The following FAM227B variants were observed in gnomAD, a reference collection of about 807,000 sequenced individuals.
FAM227B encodes the protein protein FAM227B.
Under a neutral mutation model 73.8 loss-of-function variants are expected in FAM227B, and 88 were observed. That is an observed-to-expected ratio of 1.19 (90% CI 1.00 to 1.42). The LOEUF is 1.42. Among genes scored for constraint, FAM227B ranks in the 40% most tolerant of loss-of-function variants. FAM227B has a pLI of 0.00. For missense variants in FAM227B, 632 were observed against 590.9 expected (o/e 1.07, Z -0.72); for synonymous variants, 210 against 190.5 (o/e 1.10, Z -0.84).
intron 11 of FAM227B, among the ~76,000 whole-genome samples, chr15:49,462,397 T>C (rs1291580710): frequency 1.3e-5 from 2 of 152,176 alleles, no homozygotes; most frequent in African/African-American, 4.8e-5. Context: ...TCACAATGCT[T>C]TTTCCCCTTG....
Position 49,468,557 on chromosome 15 carries a change from G to GT in FAM227B, c.1012+39653dup, listed in dbSNP as rs1002999177. 3.3e-5 allele frequency among the ~76,000 whole-genome samples: 5 copies of GT among 152,092 alleles called. 1 individual carries two copies. The highest frequency in any genetic ancestry group is 5.9e-5 in the Non-Finnish European group (4 of 68,006). The stretch of plus-strand genomic sequence containing the variant: ...TATTATCAACCATATGTATCATTGT[G>GT]TTTTTTTACAATAGTGGACTTCAGG... On this transcript the variant is annotated intron_variant, in intron 11 of 15. Transcript: ENST00000299338.
At chr15:49,429,077 T>C (rs1014516540) in intron 11 of FAM227B, among the ~76,000 whole-genome samples, 12 of 152,076 alleles carry the variant, frequency 7.9e-5, no homozygotes. Flanking sequence ...AATTTGCTTA[T>C]ATTCTAAACA....
chr15:49,342,884 T>A (rs1186312866), intron 13 of FAM227B, among the ~76,000 whole-genome samples: 1 of 152,214 alleles, frequency 6.6e-6, no homozygotes, highest in South Asian at 2.1e-4. Context: ...AGGTTTTTGC[T>A]GAGAAGTCTG....
At chr15:49,610,420 TAA>T (rs72044107) in intron 3 of FAM227B, among the ~76,000 whole-genome samples, 9,953 of 119,592 alleles carry the variant, frequency 0.083, 891 homozygotes, top group African/African-American at 0.25. Flanking sequence ...ACATTGAAAG[TAA>T]AAAAAAAAAA....
At chr15:49,480,324 A>G (rs1407049126) in intron 11 of FAM227B, among the ~76,000 whole-genome samples, 1 of 151,932 alleles carries the variant, frequency 6.6e-6, no homozygotes. Context: ...TTTATCTATT[A>G]TTTTGAGACA....
intron 4 of FAM227B, 82 bp from the exon 5 acceptor site, chr15:49,588,165 A>G (rs1462673062): frequency 2.5e-6 from 2 of 801,384 alleles, no homozygotes. Context: ...AAATACTTTA[A>G]ACAAATTATA....
At chr15:49,557,814 G>T (rs575099283) in intron 9 of FAM227B, among the ~76,000 whole-genome samples, 55 of 152,330 alleles carry the variant, frequency 3.6e-4, no homozygotes, top group African/African-American at 1.3e-3. Context: ...TAGAGTCTTT[G>T]CAGAAGAACC....
intron 6 of FAM227B, chr15:49,577,073 G>A: frequency 2.5e-6 from 1 of 403,940 alleles, no homozygotes. Flanking sequence ...GAAGTGGGTG[G>A]ATCACTTGAG....
chr15:49,588,899 AAT>A, intron 4 of FAM227B, among the ~76,000 whole-genome samples: 1 of 151,942 alleles, frequency 6.6e-6, no homozygotes, highest in Non-Finnish European at 1.5e-5. Flanking sequence ...GAATTACACA[AAT>A]CTTAGTTCAA....
chr15:49,364,587 T>TA (rs199670723), intron 13 of FAM227B, among the ~76,000 whole-genome samples: 2,065 of 152,260 alleles, frequency 0.014, 22 homozygotes, highest in Non-Finnish European at 0.019. Flanking sequence ...GATTGGGTTT[T>TA]AAAAAAACAT....
intron 2 of FAM227B, 80 bp from the exon 3 acceptor site, chr15:49,611,348 T>G (rs1377560053): frequency 4.2e-6 from 3 of 711,390 alleles, no homozygotes; most frequent in Middle Eastern, 3.4e-4. Context: ...TTTACTTAAA[T>G]AAAATGATAC....
chr15:49,520,855 A>G lies in FAM227B; in HGVS notation c.875-12507T>C, dbSNP rs191697560. Among the ~76,000 whole-genome samples the G allele has an allele frequency of 1.1e-3, 163 of 152,228 alleles. 1 individual carries two copies. Among genetic ancestry groups the G allele is most frequent in the South Asian group, 8.3e-4 (4 of 4,832 alleles). ...CCAGGAAGAAGCTGGGCCACAGGAA[A>G]GGAAGACAGCAAGAGTCTGGTAGAG... On this transcript the variant is annotated intron_variant, in intron 10 of 15. Coordinates refer to ENST00000299338, the MANE Select transcript of FAM227B (RefSeq NM_152647.3).
intron 13 of FAM227B, chr15:49,366,704 T>G (rs878976900): frequency 1.4e-6 from 2 of 1,379,348 alleles, no homozygotes. Flanking sequence ...GGGTGGCGGG[T>G]GGGGTGGCGC....
intron 11 of FAM227B, among the ~76,000 whole-genome samples, chr15:49,496,742 T>C (rs982587443): frequency 6.6e-6 from 1 of 152,204 alleles, no homozygotes; most frequent in African/African-American, 2.4e-5. Context: ...AATTATGTTT[T>C]AAATATGTTT....
At chr15:49,441,866 T>C (rs914614992) in intron 11 of FAM227B, among the ~76,000 whole-genome samples, 2 of 151,584 alleles carry the variant, frequency 1.3e-5, no homozygotes, top group African/African-American at 4.8e-5. Flanking sequence ...CAGTGGTCAG[T>C]AGGAGGAGGG....
chr15:49,452,123 C>CCT (rs1374178097), intron 11 of FAM227B, among the ~76,000 whole-genome samples: 1 of 151,934 alleles, frequency 6.6e-6, no homozygotes, highest in African/African-American at 2.4e-5. Context: ...CTCACTGCAG[C>CCT]CTCTGCCTTC....
chr15:49,340,648 A>G (rs866861488), intron 13 of FAM227B, among the ~76,000 whole-genome samples: 1 of 152,186 alleles, frequency 6.6e-6, no homozygotes, highest in African/African-American at 2.4e-5. Flanking sequence ...AGTTCCTTAC[A>G]GATTCTGGAT....
Position 49,615,205 on chromosome 15 carries a change from AGCTGGGT to A in FAM227B, c.-41_-35del. On this transcript the variant is annotated 5_prime_UTR_variant, in exon 2 of 16. Coordinates refer to ENST00000299338, the MANE Select transcript of FAM227B (RefSeq NM_152647.3). ...AACTTTGCAGAAATGAAGAGAAATC[AGCTGGGT>A]CTTAGGCTTCAATGTGAGTTGGGCG... 1 of 1,608,152 alleles carries A rather than the reference AGCTGGGT, an allele frequency of 6.2e-7. No individual in the cohort carries two copies. The highest frequency in any genetic ancestry group is 8.5e-7 in the Non-Finnish European group (1 of 1,174,502).
At chr15:49,512,505 C>A (rs977142536) in intron 10 of FAM227B, among the ~76,000 whole-genome samples, 1 of 152,142 alleles carries the variant, frequency 6.6e-6, no homozygotes, top group South Asian at 2.1e-4. Context: ...TATGGCTATG[C>A]CAATAATTGA....
Sources: allele counts gnomAD v4.1 joint callset (sites outside exome capture counted in the v4.1 genomes callset), GRCh38; gene constraint gnomAD v4.1.1; transcripts MANE v1.5; gene names NCBI Gene and HGNC (gene_info 2026-07-23, HGNC 2026-07-21).